GPC6: variants seen among roughly 807,000 people sequenced by gnomAD.
The protein encoded by GPC6 is glypican-6.
GPC6 carries 14 observed loss-of-function variants against 55.2 expected under a neutral mutation model. The ratio of observed to expected loss-of-function variants is 0.25; its 90% CI spans 0.17 to 0.40. The LOEUF (loss-of-function observed/expected upper bound fraction) is 0.40. Among genes scored for constraint, GPC6 ranks in the 10% least tolerant of loss-of-function variants. The pLI is 1.00. For synonymous variants in GPC6, 278 were observed against 259.6 expected, an observed-to-expected ratio of 1.07 and a Z score of -0.68; for missense variants, 641 against 708.5, an observed-to-expected ratio of 0.90 and a Z score of 1.08.
At chr13:93,897,251 C>G (rs1270923413) in intron 3 of GPC6, among the ~76,000 whole-genome samples, 1 of 151,588 alleles carries the variant, frequency 6.6e-6, no homozygotes, top group East Asian at 1.9e-4. Flanking sequence ...ACCTGGTACC[C>G]AATAGATCAG....
intron 1 of GPC6, among the ~76,000 whole-genome samples, chr13:93,318,483 G>A (rs190741712): frequency 1.3e-5 from 2 of 152,054 alleles, no homozygotes; most frequent in African/African-American, 2.4e-5. Flanking sequence ...GGTAACATGA[G>A]CAAATATGTT....
chr13:93,647,300 C>T lies in GPC6; in HGVS notation c.319+101879C>T, dbSNP rs566282232. ...TTCCAGCTAATTTTTTAAAATTTGACGTTTCTTGAATGAATACTTATTATA... is the reference window on the plus strand; with the variant it reads ...TTCCAGCTAATTTTTTAAAATTTGATGTTTCTTGAATGAATACTTATTATA... On this transcript the variant is annotated intron_variant, in intron 2 of 8. Coordinates refer to ENST00000377047, the MANE Select transcript of GPC6 (RefSeq NM_005708.5). 5.3e-5 allele frequency among the ~76,000 whole-genome samples: 8 copies of T among 152,132 alleles called. No homozygotes were observed. In the South Asian group the frequency reaches 6.2e-4, roughly 12 times the overall value.
At chr13:93,868,823 A>G (rs943927563) in intron 3 of GPC6, among the ~76,000 whole-genome samples, 4 of 151,872 alleles carry the variant, frequency 2.6e-5, no homozygotes, top group Non-Finnish European at 5.9e-5. Flanking sequence ...TTTCGAGTAT[A>G]TCTAAGTGAT....
chr13:94,332,887 G>GC (rs1355273018), intron 6 of GPC6, among the ~76,000 whole-genome samples: 1 of 152,118 alleles, frequency 6.6e-6, no homozygotes, highest in Non-Finnish European at 1.5e-5. Flanking sequence ...TTTCTCTTTG[G>GC]CCACTGCCTG....
At chr13:93,801,909 C>T (rs1332706757) in intron 2 of GPC6, among the ~76,000 whole-genome samples, 4 of 152,260 alleles carry the variant, frequency 2.6e-5, no homozygotes, top group East Asian at 1.9e-4. Flanking sequence ...TTGCTACCTT[C>T]AATAATCTTC....
At chr13:94,048,750 G>A (rs1482210875) in intron 4 of GPC6, among the ~76,000 whole-genome samples, 1 of 152,044 alleles carries the variant, frequency 6.6e-6, no homozygotes, top group Admixed American at 6.6e-5. Context: ...AGGGCAGATG[G>A]TAGTAGGGAG....
chr13:94,090,904 A>G (rs1885456767), intron 4 of GPC6, among the ~76,000 whole-genome samples: 1 of 152,164 alleles, frequency 6.6e-6, no homozygotes, highest in African/African-American at 2.4e-5. Context: ...ATGTGGCATT[A>G]GATGTGGAAA....
chr13:94,386,257 G>T (rs1880401282), intron 7 of GPC6, among the ~76,000 whole-genome samples: 1 of 152,046 alleles, frequency 6.6e-6, no homozygotes, highest in Admixed American at 6.5e-5. Context: ...CTACTCGGGA[G>T]GCTGAGGCAG....
intron 3 of GPC6, among the ~76,000 whole-genome samples, chr13:93,906,685 T>C (rs968186443): frequency 6.6e-6 from 1 of 152,158 alleles, no homozygotes. Context: ...GGAGGTGTAT[T>C]CAAATGACGT....
chr13:93,642,611 G>GAC (rs1335839662), intron 2 of GPC6, among the ~76,000 whole-genome samples: 2 of 151,952 alleles, frequency 1.3e-5, no homozygotes, highest in Non-Finnish European at 2.9e-5. Context: ...ACTGTGATTA[G>GAC]AGCTTGCTAA....
chr13:94,263,786 C>G (rs907289741), intron 4 of GPC6, among the ~76,000 whole-genome samples: 1 of 152,100 alleles, frequency 6.6e-6, no homozygotes, highest in African/African-American at 2.4e-5. Flanking sequence ...TCTAAGAAAC[C>G]CTGCAAGGCA....
intron 1 of GPC6, among the ~76,000 whole-genome samples, chr13:93,339,193 G>T (rs1024381318): frequency 3.9e-5 from 6 of 152,016 alleles, no homozygotes; most frequent in Non-Finnish European, 7.4e-5. Context: ...GAACAAATTT[G>T]TTCCTCCTCT....
intron 6 of GPC6, among the ~76,000 whole-genome samples, chr13:94,312,836 A>G (rs554534242): frequency 9.5e-4 from 144 of 152,340 alleles, no homozygotes; most frequent in African/African-American, 3.3e-3. Flanking sequence ...TTAGTTTTCT[A>G]AAGATAAATG....
intron 3 of GPC6, among the ~76,000 whole-genome samples, chr13:93,866,662 A>G (rs1424136535): frequency 6.6e-6 from 1 of 151,784 alleles, no homozygotes; most frequent in African/African-American, 2.4e-5. Flanking sequence ...AGTGGAAGCT[A>G]AATGATGAGA....
intron 4 of GPC6, among the ~76,000 whole-genome samples, chr13:94,129,405 A>T (rs1886936245): frequency 6.6e-6 from 1 of 152,052 alleles, no homozygotes; most frequent in South Asian, 2.1e-4. Flanking sequence ...CTTATGGAAG[A>T]CCTGTCCCAA....
At chr13:94,201,706 T>C (rs781711011) in intron 4 of GPC6, among the ~76,000 whole-genome samples, 2 of 152,120 alleles carry the variant, frequency 1.3e-5, no homozygotes, top group African/African-American at 4.8e-5. Flanking sequence ...ATCCCAGCAC[T>C]TTTGGAGGTG....
intron 4 of GPC6, among the ~76,000 whole-genome samples, chr13:94,127,156 C>T (rs1462512094): frequency 6.6e-6 from 1 of 151,974 alleles, no homozygotes; most frequent in African/African-American, 2.4e-5. Context: ...CTGTATTGTT[C>T]ACTCTTAAGA....
rs955107130 is a variant in GPC6, at chr13:94,234,336, G to C, written c.878-52013G>C. On this transcript the variant is annotated intron_variant, in intron 4 of 8. Transcript: ENST00000377047. ...TAAATTCATTTTTATTGTATCTGTT[G>C]TATTAATACTAGGGTATCAATAGGC... Among the ~76,000 whole-genome samples the C allele has an allele frequency of 4.6e-5, 7 of 152,162 alleles. No individual in the cohort carries two copies. In the East Asian group the frequency reaches 1.4e-3, roughly 29 times the overall value.
chr13:94,058,328 C>T (rs1178666834), intron 4 of GPC6, among the ~76,000 whole-genome samples: 1 of 152,124 alleles, frequency 6.6e-6, no homozygotes, highest in East Asian at 1.9e-4. Context: ...TAGCCCAGTG[C>T]CAATGTTCAC....
Sources: gnomAD v4.1 joint callset for allele counts (sites outside exome capture counted in the v4.1 genomes callset) on GRCh38, gnomAD v4.1.1 for gene constraint, MANE v1.5 for transcripts, NCBI Gene and HGNC (gene_info 2026-07-23, HGNC 2026-07-21) for gene names.